CCBE1: variants seen among roughly 807,000 people sequenced by gnomAD.
The protein encoded by CCBE1 is collagen and calcium binding EGF domains 1, also known as collagen and calcium-binding EGF domain-containing protein 1.
CCBE1 carries 37 observed loss-of-function variants against 50.0 expected under a neutral mutation model. That is an observed-to-expected ratio of 0.74 (90% CI 0.57 to 0.97). The LOEUF is 0.97. Among genes scored for constraint, CCBE1 ranks in the 50% least tolerant of loss-of-function variants. The pLI is 0.00. For synonymous variants in CCBE1, 234 were observed against 203.7 expected (o/e 1.15, Z -1.27); for missense variants, 538 against 523.8 (o/e 1.03, Z -0.26).
intron 2 of CCBE1, among the ~76,000 whole-genome samples, chr18:59,632,852 A>G (rs1599083279): frequency 6.6e-6 from 1 of 151,722 alleles, no homozygotes; most frequent in African/African-American, 2.4e-5. Context: ...CGGGTGATCC[A>G]CCCTCCTCTG....
intron 6 of CCBE1, among the ~76,000 whole-genome samples, chr18:59,450,058 G>T (rs1910859358): frequency 6.6e-6 from 1 of 152,178 alleles, no homozygotes; most frequent in Non-Finnish European, 1.5e-5. Context: ...GCAGACGATG[G>T]GCTGTGGGAT....
chr18:59,644,270 A>T (rs1007805801), intron 2 of CCBE1, among the ~76,000 whole-genome samples: 1 of 152,032 alleles, frequency 6.6e-6, no homozygotes, highest in South Asian at 2.1e-4. Context: ...ATGCTCCCTC[A>T]CCTGCCACTC....
intron 5 of CCBE1, among the ~76,000 whole-genome samples, chr18:59,458,609 C>T (rs945593814): frequency 6.6e-6 from 1 of 152,178 alleles, no homozygotes; most frequent in Non-Finnish European, 1.5e-5. Context: ...CAGAGAGAGA[C>T]AGTAACTTGC....
At chr18:59,665,983 G>C (rs144486356) in intron 2 of CCBE1, 1 of 152,174 alleles carries the variant, frequency 6.6e-6, no homozygotes, top group African/African-American at 2.4e-5. Flanking sequence ...GTCTACCCAC[G>C]GACAGATTCT....
chr18:59,591,848 C>A (rs558088107), intron 2 of CCBE1, among the ~76,000 whole-genome samples: 16 of 152,172 alleles, frequency 1.1e-4, no homozygotes, highest in Non-Finnish European at 2.4e-4. Flanking sequence ...GTGCACAAGG[C>A]TATTAATTTC....
chr18:59,569,922 C>T (rs2052885953), intron 2 of CCBE1, among the ~76,000 whole-genome samples: 1 of 152,366 alleles, frequency 6.6e-6, no homozygotes, highest in African/African-American at 2.4e-5. Flanking sequence ...TGAACCACTG[C>T]ACCCGGCCTC....
At chr18:59,561,935 T>A (rs1197515867) in intron 2 of CCBE1, among the ~76,000 whole-genome samples, 1 of 152,116 alleles carries the variant, frequency 6.6e-6, no homozygotes, top group South Asian at 2.1e-4. Flanking sequence ...ATATCATGTT[T>A]TACCTGCCTA....
chr18:59,628,613 T>C (rs1282962388), intron 2 of CCBE1, among the ~76,000 whole-genome samples: 1 of 152,184 alleles, frequency 6.6e-6, no homozygotes, highest in East Asian at 1.9e-4. Flanking sequence ...TATGACGGGA[T>C]AGAACACGTT....
intron 5 of CCBE1, among the ~76,000 whole-genome samples, chr18:59,455,520 C>T (rs983641672): frequency 1.3e-5 from 2 of 152,192 alleles, no homozygotes; most frequent in African/African-American, 2.4e-5. Context: ...GAAACGCAGT[C>T]GGGCCCAACC....
chr18:59,448,885 A>G (rs910420213), intron 6 of CCBE1, among the ~76,000 whole-genome samples: 5 of 152,294 alleles, frequency 3.3e-5, no homozygotes, highest in South Asian at 4.2e-4. Context: ...TGCCTGGGAT[A>G]TATTTAAAAT....
At chr18:59,495,174 T>C (rs1483204182) in intron 2 of CCBE1, among the ~76,000 whole-genome samples, 1 of 152,076 alleles carries the variant, frequency 6.6e-6, no homozygotes, top group East Asian at 1.9e-4. Context: ...TTTCTTTTTT[T>C]CCCCTGAGGA....
intron 2 of CCBE1, among the ~76,000 whole-genome samples, chr18:59,555,072 C>G (rs1303249689): frequency 2.0e-5 from 3 of 152,198 alleles, no homozygotes; most frequent in Non-Finnish European, 4.4e-5. Flanking sequence ...ACTTGCTAGA[C>G]AGGCATGTAT....
At chr18:59,469,021 T>A (rs1389541804) in intron 4 of CCBE1, among the ~76,000 whole-genome samples, 3 of 152,186 alleles carry the variant, frequency 2.0e-5, no homozygotes, top group African/African-American at 7.2e-5. Flanking sequence ...GTGCCGTGGA[T>A]GGTGCAGGCT....
rs115882052 is a variant in CCBE1, at chr18:59,469,148, T to C, written c.400+325A>G. ...CATCTTCTAAGAGAATGTTTATTCTTGTTTTGTTCTGTCTGCGTTTTTACT... is the reference window on the plus strand; with the variant it reads ...CATCTTCTAAGAGAATGTTTATTCTCGTTTTGTTCTGTCTGCGTTTTTACT... On this transcript the variant is annotated intron_variant, in intron 4 of 10. Coordinates refer to ENST00000439986, the MANE Select transcript of CCBE1 (RefSeq NM_133459.4). Among the ~76,000 whole-genome samples the C allele has an allele frequency of 4.3e-3, 655 of 152,352 alleles. 4 individuals carry two copies. Among genetic ancestry groups the C allele is most frequent in the African/African-American group, 0.015 (627 of 41,582 alleles).
At chr18:59,527,534 G>A (rs1378347816) in intron 2 of CCBE1, among the ~76,000 whole-genome samples, 1 of 152,090 alleles carries the variant, frequency 6.6e-6, no homozygotes, top group East Asian at 1.9e-4. Flanking sequence ...ATCCTGTCAT[G>A]ATGCTAGCTG....
chr18:59,599,824 G>C (rs898270365), intron 2 of CCBE1, among the ~76,000 whole-genome samples: 1 of 152,180 alleles, frequency 6.6e-6, no homozygotes, highest in Admixed American at 6.5e-5. Context: ...ACAGACTTAG[G>C]CATTTCTAAA....
At chr18:59,535,154 A>T (rs1215566831) in intron 2 of CCBE1, among the ~76,000 whole-genome samples, 3 of 152,224 alleles carry the variant, frequency 2.0e-5, no homozygotes, top group Non-Finnish European at 4.4e-5. Flanking sequence ...TGCCTTCAGC[A>T]GTAATGAGAT....
intron 2 of CCBE1, among the ~76,000 whole-genome samples, chr18:59,685,662 C>CA (rs1376959184): frequency 6.6e-6 from 1 of 152,226 alleles, no homozygotes; most frequent in Non-Finnish European, 1.5e-5. Flanking sequence ...TGAAAGGTGG[C>CA]AAGCCAAGGT....
chr18:59,589,567 G>T lies in CCBE1; in HGVS notation c.212+107062C>A, dbSNP rs150135217. Among the ~76,000 whole-genome samples, 313 of 152,220 alleles carry T rather than the reference G, an allele frequency of 2.1e-3. 5 individuals carry two copies. The East Asian group carries it at 0.032, about 16-fold the overall frequency. ...TCCCAGCATTTTGGGAGGCCGAGGTGGGTGGATCACGAGGCCAGGAGATCG... is the reference window on the plus strand; with the variant it reads ...TCCCAGCATTTTGGGAGGCCGAGGTTGGTGGATCACGAGGCCAGGAGATCG... On this transcript the variant is annotated intron_variant, in intron 2 of 10. Coordinates refer to ENST00000439986, the MANE Select transcript of CCBE1 (RefSeq NM_133459.4).
Sources: gnomAD v4.1 joint callset for allele counts (sites outside exome capture counted in the v4.1 genomes callset) on GRCh38, gnomAD v4.1.1 for gene constraint, MANE v1.5 for transcripts, NCBI Gene and HGNC (gene_info 2026-07-23, HGNC 2026-07-21) for gene names.